Variants in KIFC3 observed in about 807,000 individuals in gnomAD.
KIFC3 encodes kinesin family member C3.
In KIFC3, 60 loss-of-function variants were observed where a neutral mutation model predicts 101.8. That is an observed-to-expected ratio of 0.59 (90% CI 0.48 to 0.73). The LOEUF is 0.73. Ranked by LOEUF, KIFC3 falls within the 30% of genes least tolerant of loss-of-function variation. The pLI, the probability that KIFC3 is intolerant of heterozygous loss-of-function variation, is 0.00. For missense variants in KIFC3, 966 were observed against 1,137.1 expected, an observed-to-expected ratio of 0.85 and a Z score of 2.16; for synonymous variants, 476 against 482.7, an observed-to-expected ratio of 0.99 and a Z score of 0.18.
At chr16:57,781,852 AC>A in intron 3 of KIFC3, 1 of 844,458 alleles carries the variant, frequency 1.2e-6, no homozygotes, top group Non-Finnish European at 1.4e-6. Context: ...AGGTCACCTG[AC>A]CAGTAAGTGG....
In KIFC3 at chr16:57,770,362, G is replaced by C. The variant is rs577866996; in HGVS notation, c.939+165C>G. 1.5e-4 allele frequency among the ~76,000 whole-genome samples: 23 copies of C among 152,378 alleles called. No homozygotes were observed. The East Asian group carries it at 4.2e-3, about 28-fold the overall frequency. On this transcript the variant is annotated intron_variant, in intron 7 of 19. Transcript: ENST00000445690. ...GACCAGATCGTGTTATAATAGATGA[G>C]GAAAAGGAAACCAGACAAAACTTGC... is the stretch of plus-strand genomic sequence containing the variant.
At chr16:57,843,383 G>GCCTCAT (rs1471171761) in intron 1 of KIFC3, among the ~76,000 whole-genome samples, 1 of 152,128 alleles carries the variant, frequency 6.6e-6, no homozygotes, top group African/African-American at 2.4e-5. Flanking sequence ...CACCTGCTTT[G>GCCTCAT]CCTCATCACT....
Position 57,759,545 on chromosome 16 carries a change from AC to A in KIFC3, c.2476+182del, listed in dbSNP as rs1394656059. ...AGACCTTCCATTTCCCACCTGCAGAACGGACACAGCACTGTCTGCCCTGACT... is the reference window on the plus strand; with the variant it reads ...AGACCTTCCATTTCCCACCTGCAGAAGGACACAGCACTGTCTGCCCTGACT... On this transcript the variant is annotated intron_variant, in intron 18 of 19. Coordinates refer to ENST00000445690, the MANE Select transcript of KIFC3 (RefSeq NM_001130100.2). 1.5e-4 allele frequency: 91 copies of A among 590,032 alleles called. 1 individual carries two copies. Among genetic ancestry groups the A allele is most frequent in the Admixed American group, 9.5e-5 (3 of 31,556 alleles). 36.5% of individuals were successfully genotyped at this position (590,032 alleles called of 1,614,324 possible).
At chr16:57,759,546 C>A in intron 18 of KIFC3, 182 bp downstream of exon 18, 3 of 590,516 alleles carry the variant, frequency 5.1e-6, no homozygotes, top group Non-Finnish European at 6.0e-6. Context: ...ACCTGCAGAA[C>A]GGACACAGCA....
At chr16:57,765,205 G>A (rs781817718) in intron 11 of KIFC3, among the ~76,000 whole-genome samples, 4 of 152,122 alleles carry the variant, frequency 2.6e-5, no homozygotes, top group South Asian at 4.1e-4. Flanking sequence ...CCTTGGGGAC[G>A]GGAGGAACCA....
intron 1 of KIFC3, among the ~76,000 whole-genome samples, chr16:57,858,523 G>A (rs1241372295): frequency 4.6e-5 from 7 of 152,174 alleles, no homozygotes; most frequent in African/African-American, 1.7e-4. Flanking sequence ...TGCACATCAT[G>A]ACAGCCAGCA....
At chr16:57,852,508 T>C (rs1471230430) in intron 1 of KIFC3, among the ~76,000 whole-genome samples, 1 of 152,220 alleles carries the variant, frequency 6.6e-6, no homozygotes. Context: ...CTCTCACCTC[T>C]GGGCCAGGTG....
chr16:57,855,957 A>C (rs1455944917), intron 1 of KIFC3, among the ~76,000 whole-genome samples: 1 of 151,462 alleles, frequency 6.6e-6, no homozygotes, highest in Non-Finnish European at 1.5e-5. Context: ...AAAAAAAAAA[A>C]AAACCAAAAA....
chr16:57,778,153 G>A (rs1233909120), intron 3 of KIFC3, among the ~76,000 whole-genome samples: 4 of 152,138 alleles, frequency 2.6e-5, no homozygotes, highest in East Asian at 1.9e-4. Context: ...AGTGGCACAC[G>A]CCTGTGGTCC....
chr16:57,770,491 C>T (rs2051024582), intron 7 of KIFC3, 36 bp downstream of exon 7: 6 of 1,358,728 alleles, frequency 4.4e-6, no homozygotes, highest in African/African-American at 3.0e-5. Context: ...CCTCTGGCTT[C>T]CTGGCTGGGC....
At chr16:57,759,658 C>T in intron 18 of KIFC3, 70 bp downstream of exon 18, 1 of 1,170,314 alleles carries the variant, frequency 8.5e-7, no homozygotes, top group Non-Finnish European at 1.2e-6. Flanking sequence ...GAAAGCCCAT[C>T]CAGGTAAGGG....
intron 2 of KIFC3, among the ~76,000 whole-genome samples, chr16:57,795,485 C>T (rs1279425737): frequency 6.6e-6 from 1 of 152,248 alleles, no homozygotes; most frequent in African/African-American, 2.4e-5. Flanking sequence ...AGCCAGCCTG[C>T]ATGAAGCTTT....
At chr16:57,856,971 T>C (rs9931369) in intron 1 of KIFC3, among the ~76,000 whole-genome samples, 33 of 152,170 alleles carry the variant, frequency 2.2e-4, no homozygotes, top group African/African-American at 8.0e-4. Flanking sequence ...CAAGAAGATA[T>C]AACACCAGTA....
chr16:57,770,407 G>T, intron 7 of KIFC3, 120 bp downstream of exon 7: 1 of 909,846 alleles, frequency 1.1e-6, no homozygotes. Flanking sequence ...CGTGGCCATC[G>T]GGGAGAGGAG....
At chr16:57,764,298 GGA>G in intron 11 of KIFC3, 51 bp from the exon 12 acceptor site, 1 of 1,168,082 alleles carries the variant, frequency 8.6e-7, no homozygotes, top group South Asian at 1.3e-5. Context: ...AGGGCCGCTG[GGA>G]CCACCAGCTA....
upstream of KIFC3, chr16:57,802,755 G>A: frequency 1.3e-6 from 1 of 745,328 alleles, no homozygotes; most frequent in South Asian, 1.7e-5. This position sits in a 1 kb window ranked among gnomAD's most constrained non-coding sequence, Gnocchi z 5.0. Flanking sequence ...GTTCCCTGAA[G>A]GCTCTCACAA....
intron 18 of KIFC3, chr16:57,759,357 A>AC (rs1217173467): frequency 1.6e-6 from 1 of 628,154 alleles, no homozygotes; most frequent in Non-Finnish European, 2.8e-6. Flanking sequence ...GGCCCTTTCT[A>AC]CCCCCGGGGC....
At chr16:57,802,678 G>C, upstream of KIFC3, 5 of 948,862 alleles carry the variant, frequency 5.3e-6, no homozygotes, top group Non-Finnish European at 7.2e-6. The surrounding 1 kb of genome is among the most constrained non-coding windows in gnomAD (Gnocchi z 5.0). Flanking sequence ...ACTCCTTCGC[G>C]GGGCCTCCCA....
In KIFC3 at chr16:57,800,038, G is replaced by A. The variant is rs185390342; in HGVS notation, c.-39-1756C>T. ...TAGGATGGGAAGGAGAGGATGTGGTGTCTAGAATAGGGGGAGAGTTGAGCA... is the reference window on the plus strand; with the variant it reads ...TAGGATGGGAAGGAGAGGATGTGGTATCTAGAATAGGGGGAGAGTTGAGCA... On this transcript the variant is annotated intron_variant, in intron 1 of 19. Coordinates refer to ENST00000445690, the MANE Select transcript of KIFC3 (RefSeq NM_001130100.2). 3.9e-5 allele frequency among the ~76,000 whole-genome samples: 6 copies of A among 152,192 alleles called. No homozygotes were observed. In the East Asian group the frequency reaches 9.7e-4, roughly 25 times the overall value.
Sources: allele counts gnomAD v4.1 joint callset (sites outside exome capture counted in the v4.1 genomes callset), GRCh38; gene constraint gnomAD v4.1.1; non-coding constraint Gnocchi (gnomAD v3.1); transcripts MANE v1.5; gene names NCBI Gene and HGNC (gene_info 2026-07-23, HGNC 2026-07-21).